CHRNB4: variants seen among roughly 807,000 people sequenced by gnomAD.
CHRNB4 encodes cholinergic receptor nicotinic beta 4 subunit.
In CHRNB4, 23 loss-of-function variants were observed where a neutral mutation model predicts 40.4. That is an observed-to-expected ratio of 0.57 (90% CI 0.41 to 0.81). The LOEUF (loss-of-function observed/expected upper bound fraction) is 0.81. Ranked by LOEUF, CHRNB4 falls within the 30% of genes least tolerant of loss-of-function variation. The pLI is 0.00. For synonymous variants in CHRNB4, 285 were observed against 274.4 expected, an observed-to-expected ratio of 1.04 and a Z score of -0.38; for missense variants, 568 against 670.6, an observed-to-expected ratio of 0.85 and a Z score of 1.69.
chr15:78,632,153 C>CCT (rs2053826405), intron 2 of CHRNB4, among the ~76,000 whole-genome samples: 3 of 108,426 alleles, frequency 2.8e-5, no homozygotes, highest in African/African-American at 9.0e-5. Flanking sequence ...TTCTTTCTGT[C>CCT]TTTCTTTTCT....
chr15:78,628,472 TG>T (rs1167240193), intron 5 of CHRNB4, among the ~76,000 whole-genome samples: 2 of 152,200 alleles, frequency 1.3e-5, no homozygotes, highest in African/African-American at 4.8e-5. Flanking sequence ...TGGCATTACC[TG>T]GAAGCACAGG....
At chr15:78,653,941 T>C (rs1483215458) in intron 5 of CHRNB4, among the ~76,000 whole-genome samples, 1 of 152,126 alleles carries the variant, frequency 6.6e-6, no homozygotes, top group African/African-American at 2.4e-5. Flanking sequence ...TCCAGCACCA[T>C]GGAAGGGATG....
At chr15:78,647,457 G>A (rs1028150151) in intron 7 of CHRNB4, among the ~76,000 whole-genome samples, 16 of 151,754 alleles carry the variant, frequency 1.1e-4, no homozygotes, top group Admixed American at 1.1e-3. Context: ...ATAGGAAGAG[G>A]TTTACCATGG....
Position 78,629,975 on chromosome 15 carries a change from G to C in CHRNB4, c.360-30C>G. On this transcript the variant is annotated intron_variant, in intron 4 of 5. Coordinates refer to ENST00000261751, the MANE Select transcript of CHRNB4 (RefSeq NM_000750.5). This position sits in a 1 kb window ranked among gnomAD's most constrained non-coding sequence, Gnocchi z 6.8. ...GCAGGGTCAGGGCATGGAGAACATC[G>C]TGAAACCCATACACAAAACCTGGCC... 6.6e-7 allele frequency: 1 copy of C among 1,520,882 alleles called. No individual in the cohort carries two copies. Among genetic ancestry groups the C allele is most frequent in the Non-Finnish European group, 8.7e-7 (1 of 1,142,986 alleles). 94.2% of individuals were successfully genotyped at this position (1,520,882 alleles called of 1,614,324 possible). A position where few individuals can be genotyped will look rare whatever the true frequency, so the allele number is the denominator to read the frequency against.
At chr15:78,631,473 A>G in intron 2 of CHRNB4, 141 bp from the exon 3 acceptor site, 10 of 722,190 alleles carry the variant, frequency 1.4e-5, no homozygotes, top group Non-Finnish European at 1.6e-5. Flanking sequence ...GCCCAAAGGC[A>G]TGTCACACTC....
chr15:78,636,817 C>T (rs2053960750), intron 1 of CHRNB4, among the ~76,000 whole-genome samples: 1 of 152,174 alleles, frequency 6.6e-6, no homozygotes, highest in Non-Finnish European at 1.5e-5. Flanking sequence ...TATGAATTAT[C>T]TGAGGGTCTA....
Position 78,631,330 on chromosome 15 carries a change from A to G in CHRNB4, c.207T>C (p.Asn69=). 1 of 1,613,780 alleles carries G rather than the reference A, an allele frequency of 6.2e-7. No individual in the cohort carries two copies. The highest frequency in any genetic ancestry group is 2.2e-5 in the East Asian group (1 of 44,880). ...TGGTGGTCATGATCTGCTCTCGCTC[A>G]TTCTGGGGAGGGAAACGGGGCTATC... ...QLSLAQLISV[N]EREQIMTTNV... The change falls in exon 3 of 6, where the codon AAT becomes AAC. Residue 69 remains asparagine (N), a splice_region_variant and synonymous_variant. Transcript: ENST00000261751.
chr15:78,651,890 C>G lies in CHRNB4; in HGVS notation c.-16+688G>C, dbSNP rs117342592. On this transcript the variant is annotated intron_variant and NMD_transcript_variant, in intron 6 of 11. Coordinates refer to the CHRNB4 transcript ENST00000559849. ...TGAAAAGGGTTGCATCTGCCCCACA[C>G]GAGCCCAAAAGGGCTGCAGGGACAG... Among the ~76,000 whole-genome samples the G allele has an allele frequency of 1.4e-3, 207 of 152,342 alleles. 5 individuals are homozygous for G. In the East Asian group the frequency reaches 0.03, roughly 22 times the overall value.
intron 7 of CHRNB4, among the ~76,000 whole-genome samples, chr15:78,647,690 C>CAAAAAA (rs57493774): frequency 3.2e-5 from 2 of 62,252 alleles, no homozygotes; most frequent in African/African-American, 4.9e-5. Context: ...ACTAAAAATC[C>CAAAAAA]AAAAAAAAAA....
At chr15:78,653,970 G>A (rs536015979) in intron 5 of CHRNB4, among the ~76,000 whole-genome samples, 1 of 152,302 alleles carries the variant, frequency 6.6e-6, no homozygotes, top group African/African-American at 2.4e-5. Flanking sequence ...TGGGCTCCAG[G>A]ATGAAAGGCT....
chr15:78,641,349 C>A, upstream of CHRNB4: 1 of 472,046 alleles, frequency 2.1e-6, no homozygotes, highest in Non-Finnish European at 3.7e-6. Context: ...GTGGTCTGGA[C>A]CCCACCTGCC....
upstream of CHRNB4, chr15:78,660,976 T>C (rs113459589): frequency 4.8e-5 from 22 of 459,642 alleles, no homozygotes; most frequent in African/African-American, 4.4e-4. Context: ...GGGGTCCACA[T>C]TTCTTTCTTT....
intron 5 of CHRNB4, among the ~76,000 whole-genome samples, chr15:78,653,044 G>A (rs2054186198): frequency 6.6e-6 from 1 of 152,126 alleles, no homozygotes; most frequent in Non-Finnish European, 1.5e-5. Flanking sequence ...CCCGCTCATA[G>A]GGTTGGTCTG....
At chr15:78,631,470 G>C (rs2053810091) in intron 2 of CHRNB4, 138 bp from the exon 3 acceptor site, 1 of 738,232 alleles carries the variant, frequency 1.4e-6, no homozygotes, top group African/African-American at 1.7e-5. Context: ...ATGGCCCAAA[G>C]GCATGTCACA....
At chr15:78,641,313 C>A, upstream of CHRNB4, 1 of 523,876 alleles carries the variant, frequency 1.9e-6, no homozygotes, top group Non-Finnish European at 3.2e-6. Context: ...GTACTGGGCC[C>A]GCTGCTCCGC....
chr15:78,634,550 A>G (rs2053905508), intron 2 of CHRNB4: 2 of 344,288 alleles, frequency 5.8e-6, no homozygotes, highest in Non-Finnish European at 1.2e-5. Flanking sequence ...TGAGGGCTGT[A>G]GGTTTGACAG....
chr15:78,635,682 G>C (rs2053935490), intron 1 of CHRNB4, 95 bp from the exon 2 acceptor site: 1 of 1,531,704 alleles, frequency 6.5e-7, no homozygotes, highest in Non-Finnish European at 8.9e-7. Flanking sequence ...GAGCACAGGT[G>C]CCCTTAGGGC....
upstream of CHRNB4, among the ~76,000 whole-genome samples, chr15:78,646,127 G>A (rs1268636527): frequency 6.6e-6 from 1 of 151,920 alleles, no homozygotes; most frequent in Admixed American, 6.6e-5. Flanking sequence ...GTGTACATAC[G>A]ATAATGTCAT....
At chr15:78,632,903 T>C (rs1230087004) in intron 2 of CHRNB4, among the ~76,000 whole-genome samples, 2 of 152,210 alleles carry the variant, frequency 1.3e-5, no homozygotes, top group African/African-American at 2.4e-5. Context: ...ACATCTCTTC[T>C]TCGTACGCAG....
Sources: gnomAD v4.1 joint callset for allele counts (sites outside exome capture counted in the v4.1 genomes callset) on GRCh38, gnomAD v4.1.1 for gene constraint, Gnocchi (gnomAD v3.1) non-coding constraint, MANE v1.5 for transcripts, NCBI Gene and HGNC (gene_info 2026-07-23, HGNC 2026-07-21) for gene names.